PUDP: variants seen among roughly 807,000 people sequenced by gnomAD.
PUDP encodes the protein pseudouridine 5'-phosphatase, also known as pseudouridine-5'-phosphatase.
A neutral mutation model predicts 9.4 loss-of-function variants in PUDP; 8 were observed. The observed-to-expected ratio is 0.85, with a 90% CI of 0.50 to 1.53. PUDP has a LOEUF of 1.53. Ranked by LOEUF, PUDP falls within the 40% of genes most tolerant of loss-of-function variation. PUDP has a pLI of 0.00. For synonymous variants in PUDP, 99 were observed against 80.7 expected (o/e 1.23, Z -1.22); for missense variants, 188 against 189.7 (o/e 0.99, Z 0.05).
chrX:6,937,831 C>T (rs1264807141), intron 3 of PUDP, among the ~76,000 whole-genome samples: 1 of 79,918 alleles, frequency 1.3e-5, no homozygotes, highest in African/African-American at 4.8e-5. Flanking sequence ...AGGACATGAA[C>T]AGACACTTCT....
intron 1 of PUDP, among the ~76,000 whole-genome samples, chrX:6,990,216 CA>C (rs766941248): frequency 9.0e-6 from 1 of 111,643 alleles, no homozygotes; most frequent in East Asian, 2.8e-4. Context: ...GAGCCCCTTC[CA>C]GGGGTTGCCT....
chrX:6,716,144 ATTCGCTTACATAGCTGTC>A (rs1924597267), intron 1 of PUDP, among the ~76,000 whole-genome samples: 1 of 111,286 alleles, frequency 9.0e-6, no homozygotes, highest in South Asian at 3.8e-4. Context: ...AAGGTCTCCA[ATTCGCTTACATAGCTGTC>A]TTCCCCATTT....
chrX:6,894,914 C>T (rs185243635), intron 3 of PUDP, among the ~76,000 whole-genome samples: 99 of 111,450 alleles, frequency 8.9e-4, no homozygotes, highest in African/African-American at 3.0e-3. Context: ...CCAAAGTGCA[C>T]GTTTCAACAA....
At chrX:7,128,807 G>C (rs915802177) in intron 1 of PUDP, among the ~76,000 whole-genome samples, 1 of 112,068 alleles carries the variant, frequency 8.9e-6, no homozygotes, top group African/African-American at 3.2e-5. Context: ...TTACATTCTA[G>C]TGTAGATACT....
intron 3 of PUDP, among the ~76,000 whole-genome samples, chrX:6,793,526 A>G (rs1460533391): frequency 4.4e-5 from 5 of 112,437 alleles, no homozygotes; most frequent in African/African-American, 1.6e-4. Flanking sequence ...GAATGCATTT[A>G]AAGTACACAT....
At chrX:7,147,489 G>A (rs935459767) in intron 1 of PUDP, among the ~76,000 whole-genome samples, 2 of 112,059 alleles carry the variant, frequency 1.8e-5, no homozygotes, top group South Asian at 7.5e-4. Flanking sequence ...AATGTCTCCT[G>A]ACATCGCCAT....
At chrX:7,067,087 G>A (rs1030924605) in intron 3 of PUDP, among the ~76,000 whole-genome samples, 6 of 112,191 alleles carry the variant, frequency 5.3e-5, no homozygotes, top group Non-Finnish European at 1.1e-4. Context: ...ATATCTGAAG[G>A]CAAGACATAT....
At position 7,077,198 on chromosome X, in the gene PUDP, C is replaced by T. The variant is rs764996657; in HGVS notation, c.510+22G>A. On this transcript the variant is annotated intron_variant, in intron 3 of 3. Transcript: ENST00000381077. ...TGGAACATGGTTGTGGAACACGGCC[C>T]GTGTCACCGGCACCCACTTACCTTC... 4.6e-5 allele frequency: 54 copies of T among 1,172,758 alleles called. 1 individual carries two copies. In the East Asian group the frequency reaches 9.6e-4, roughly 21 times the overall value.
chrX:6,913,090 C>T (rs1265021660), intron 3 of PUDP, among the ~76,000 whole-genome samples: 2 of 111,605 alleles, frequency 1.8e-5, no homozygotes, highest in Non-Finnish European at 3.8e-5. Flanking sequence ...ATAAGTGATA[C>T]TTATATCGCT....
chrX:7,047,561 T>C (rs1244945788), downstream of PUDP, among the ~76,000 whole-genome samples: 1 of 112,471 alleles, frequency 8.9e-6, no homozygotes, highest in African/African-American at 3.2e-5. Flanking sequence ...CAACAAATAT[T>C]CTCACCAACA....
chrX:7,131,234 C>T (rs1047248743), intron 1 of PUDP, among the ~76,000 whole-genome samples: 21 of 112,072 alleles, frequency 1.9e-4, no homozygotes, highest in African/African-American at 5.8e-4. Context: ...GTCAGCTGAA[C>T]GGCCTCTGAA....
At chrX:6,887,432 C>A (rs1215491044) in intron 3 of PUDP, among the ~76,000 whole-genome samples, 4 of 109,918 alleles carry the variant, frequency 3.6e-5, no homozygotes, top group South Asian at 7.8e-4. Context: ...CGTATTAAGG[C>A]AGGACCCCTC....
At chrX:6,729,724 A>G (rs1267396370) in intron 3 of PUDP, among the ~76,000 whole-genome samples, 1 of 110,803 alleles carries the variant, frequency 9.0e-6, no homozygotes, top group Non-Finnish European at 1.9e-5. Flanking sequence ...ACGCCCGGAC[A>G]CGCCACAGTA....
intron 2 of PUDP, among the ~76,000 whole-genome samples, chrX:7,087,912 C>A (rs1333453871): frequency 2.7e-5 from 3 of 111,207 alleles, no homozygotes; most frequent in Non-Finnish European, 5.6e-5. Flanking sequence ...ATGTGATCGG[C>A]CTAAACTCCT....
intron 3 of PUDP, among the ~76,000 whole-genome samples, chrX:6,811,909 A>G (rs1010649391): frequency 1.2e-4 from 13 of 112,659 alleles, no homozygotes; most frequent in African/African-American, 3.5e-4. Flanking sequence ...ATAACATGCA[A>G]TTCAGATGTA....
intron 3 of PUDP, among the ~76,000 whole-genome samples, chrX:7,060,423 C>T (rs1174127406): frequency 1.8e-5 from 2 of 111,979 alleles, no homozygotes; most frequent in African/African-American, 6.5e-5. Context: ...CTAGAATGTT[C>T]TGTGACACAG....
rs577801060 is a variant in PUDP, at chrX:6,887,493, C to T, written c.*247+89640G>A. On this transcript the variant is annotated intron_variant and NMD_transcript_variant, in intron 3 of 3. Transcript: ENST00000655425. ...CTGGAGAGGTTTTTAAATCCTGATG[C>T]CCAGCCCACAACCTGACCCAGGTGC... Among the ~76,000 whole-genome samples the T allele has an allele frequency of 3.8e-4, 42 of 110,505 alleles. No homozygotes were observed. In the South Asian group the frequency reaches 0.016, roughly 41 times the overall value.
chrX:6,740,060 C>T (rs1160999286), intron 3 of PUDP, among the ~76,000 whole-genome samples: 2 of 111,421 alleles, frequency 1.8e-5, no homozygotes, highest in Non-Finnish European at 3.8e-5. Context: ...ATTCCCTATT[C>T]CTTTAGGGTG....
At chrX:7,139,311 G>A (rs1288439816) in intron 1 of PUDP, among the ~76,000 whole-genome samples, 3 of 111,940 alleles carry the variant, frequency 2.7e-5, no homozygotes, top group Non-Finnish European at 5.6e-5. Flanking sequence ...TCTATGTTAC[G>A]TTTTGGCAAT....
Sources: gnomAD v4.1 joint callset for allele counts (sites outside exome capture counted in the v4.1 genomes callset) on GRCh38, gnomAD v4.1.1 for gene constraint, MANE v1.5 for transcripts, NCBI Gene and HGNC (gene_info 2026-07-23, HGNC 2026-07-21) for gene names.